PROS1: variants seen among roughly 807,000 people sequenced by gnomAD.
PROS1 encodes the protein protein S.
A neutral mutation model predicts 75.9 loss-of-function variants in PROS1; 29 were observed. The observed-to-expected ratio is 0.38, with a 90% CI of 0.28 to 0.52. PROS1 has a LOEUF of 0.52. Ranked by LOEUF, PROS1 falls within the 20% of genes least tolerant of loss-of-function variation. The pLI is 0.83. For missense variants in PROS1, 680 were observed against 810.3 expected (o/e 0.84, Z 1.95); for synonymous variants, 245 against 280.6 (o/e 0.87, Z 1.27).
intron 12 of PROS1, among the ~76,000 whole-genome samples, chr3:93,880,218 GA>G (rs574081010): frequency 2.6e-5 from 4 of 151,682 alleles, no homozygotes; most frequent in Non-Finnish European, 4.4e-5. Context: ...CCATCCAGAA[GA>G]AAAAAAATAT....
chr3:93,927,911 G>GTGTATATATATGTGTATATATATA (rs1709046926), intron 1 of PROS1, among the ~76,000 whole-genome samples: 1 of 135,726 alleles, frequency 7.4e-6, no homozygotes, highest in African/African-American at 2.7e-5. Flanking sequence ...GTGTGTGTGT[G>GTGTATATATATGTGTATATATATA]TGTATATATA....
intron 1 of PROS1, chr3:93,928,669 A>G (rs1204195856): frequency 2.2e-6 from 2 of 892,312 alleles, no homozygotes; most frequent in Non-Finnish European, 3.2e-6. Flanking sequence ...ACAAAGTTCA[A>G]TATCAAGCAA....
chr3:93,910,123 C>G (rs866303529), intron 4 of PROS1, among the ~76,000 whole-genome samples: 1 of 152,028 alleles, frequency 6.6e-6, no homozygotes, highest in Non-Finnish European at 1.5e-5. Context: ...ACTAATTTAC[C>G]AATTTACCAA....
intron 1 of PROS1, among the ~76,000 whole-genome samples, chr3:93,944,744 G>T (rs1427913060): frequency 1.3e-5 from 2 of 152,040 alleles, no homozygotes; most frequent in African/African-American, 4.8e-5. Context: ...ACAATTAAAA[G>T]AACTAGAGAA....
At chr3:93,880,369 G>A (rs183877345) in intron 12 of PROS1, among the ~76,000 whole-genome samples, 3 of 152,208 alleles carry the variant, frequency 2.0e-5, no homozygotes, top group Non-Finnish European at 4.4e-5. Context: ...GAGCATGGTG[G>A]TGTATACCTG....
intron 6 of PROS1, among the ~76,000 whole-genome samples, chr3:93,903,590 G>A (rs1488933962): frequency 6.6e-6 from 1 of 152,214 alleles, no homozygotes; most frequent in East Asian, 1.9e-4. Context: ...GGATCTCCCA[G>A]GAGGTTGAGG....
intron 1 of PROS1, among the ~76,000 whole-genome samples, chr3:93,934,571 C>G (rs1371747209): frequency 1.3e-5 from 2 of 152,096 alleles, no homozygotes; most frequent in East Asian, 3.9e-4. Context: ...TTTTGAAGGA[C>G]TGAACAAATA....
chr3:93,883,535 G>A (rs766450550), intron 12 of PROS1, among the ~76,000 whole-genome samples: 13 of 151,550 alleles, frequency 8.6e-5, no homozygotes, highest in Non-Finnish European at 1.8e-4. Context: ...TGGAGGTTGC[G>A]GTGAGCCGAG....
At chr3:93,951,995 A>T (rs1432181337) in intron 1 of PROS1, among the ~76,000 whole-genome samples, 1 of 152,250 alleles carries the variant, frequency 6.6e-6, no homozygotes, top group Non-Finnish European at 1.5e-5. Context: ...AGTCCATTAC[A>T]TAATGGTAAA....
In PROS1 at chr3:93,906,137, G is replaced by C; in HGVS notation, c.353C>G (p.Pro118Arg). Residue 118 changes from proline to arginine, a missense_variant, in exon 5 of 15, where the codon CCA (proline) becomes CGA (arginine). Coordinates refer to ENST00000394236, the MANE Select transcript of PROS1 (RefSeq NM_000313.4). ...GCATGGCAGAGGACTACACTGGTCTGGAATGGCTGAAGGAAATAGACATCT... is the reference window on the plus strand; with the variant it reads ...GCATGGCAGAGGACTACACTGGTCTCGAATGGCTGAAGGAAATAGACATCT... The part of the protein sequence containing the change: ...PDLRSCVNAI[P>R]DQCSPLPCNE... The C allele has an allele frequency of 3.1e-6, 5 of 1,613,054 alleles. No homozygotes were observed. The highest frequency in any genetic ancestry group is 4.2e-6 in the Non-Finnish European group (5 of 1,179,760).
At chr3:93,917,583 C>A (rs540334914) in intron 3 of PROS1, among the ~76,000 whole-genome samples, 2 of 152,218 alleles carry the variant, frequency 1.3e-5, no homozygotes, top group Non-Finnish European at 2.9e-5. Context: ...AAGCCCAGAG[C>A]TGGCTCCCTC....
intron 3 of PROS1, among the ~76,000 whole-genome samples, chr3:93,913,131 G>A (rs544106351): frequency 6.6e-6 from 1 of 152,296 alleles, no homozygotes; most frequent in East Asian, 1.9e-4. Context: ...TCTCATGATA[G>A]TGAGTGAGTT....
rs1576210924 is a variant in PROS1 at position 93,948,424 on chromosome 3, C to T, written c.77-21017G>A. 1.1e-4 allele frequency among the ~76,000 whole-genome samples: 17 copies of T among 152,162 alleles called. No homozygotes were observed. The South Asian group carries it at 3.3e-3, about 30-fold the overall frequency. ...AGAGTTCTGTAGATGTCTATTAGGT[C>T]TGCTTGGTGCAGAGCTCAGTTCAAT... is the stretch of plus-strand genomic sequence containing the variant. On this transcript the variant is annotated intron_variant, in intron 1 of 14. Coordinates refer to ENST00000394236, the MANE Select transcript of PROS1 (RefSeq NM_000313.4).
chr3:93,875,067 C>T (rs1250450366), intron 14 of PROS1, among the ~76,000 whole-genome samples: 2 of 151,864 alleles, frequency 1.3e-5, no homozygotes, highest in African/African-American at 4.8e-5. Context: ...CAAAAAAAAA[C>T]CTTTAAATTT....
chr3:93,931,913 T>C (rs1709112007), intron 1 of PROS1, among the ~76,000 whole-genome samples: 1 of 152,210 alleles, frequency 6.6e-6, no homozygotes, highest in Non-Finnish European at 1.5e-5. Flanking sequence ...GTGGATAAGG[T>C]CACTATCTTA....
At chr3:93,884,229 C>T (rs571888084) in intron 12 of PROS1, among the ~76,000 whole-genome samples, 8 of 152,124 alleles carry the variant, frequency 5.3e-5, no homozygotes, top group East Asian at 1.9e-4. Flanking sequence ...AACAAAATGA[C>T]GAGACTCAGA....
intron 14 of PROS1, among the ~76,000 whole-genome samples, chr3:93,875,451 C>T (rs1253526588): frequency 1.3e-5 from 2 of 152,070 alleles, no homozygotes; most frequent in Admixed American, 1.3e-4. Context: ...GCCAAAATCC[C>T]GAAACCACTG....
At chr3:93,884,069 G>A (rs185269923) in intron 12 of PROS1, among the ~76,000 whole-genome samples, 1 of 152,182 alleles carries the variant, frequency 6.6e-6, no homozygotes, top group Non-Finnish European at 1.5e-5. Flanking sequence ...CCATTACTAA[G>A]AGCCTAGCAA....
Position 93,879,277 on chromosome 3 carries a change from C to T in PROS1, c.1530G>A (p.Val510=). ...VSSAEGWHVN[V]TLNIRPSTGT... ...CCGTGGATGGACGAATATTCAAGGT[C>T]ACATTTACATGCCAACCCTCAGCAC... The change falls in exon 13 of 15, where the codon GTG becomes GTA. Residue 510 remains valine, a synonymous_variant. Coordinates refer to ENST00000394236, the MANE Select transcript of PROS1 (RefSeq NM_000313.4). 1 of 1,613,994 alleles carries T rather than the reference C, an allele frequency of 6.2e-7. No homozygotes were observed. The highest frequency in any genetic ancestry group is 8.5e-7 in the Non-Finnish European group (1 of 1,179,958).
Sources: allele counts gnomAD v4.1 joint callset (sites outside exome capture counted in the v4.1 genomes callset), GRCh38; gene constraint gnomAD v4.1.1; transcripts MANE v1.5; gene names NCBI Gene and HGNC (gene_info 2026-07-23, HGNC 2026-07-21).